The following SORCS1 variants were observed in gnomAD, a reference collection of about 807,000 sequenced individuals.
The protein encoded by SORCS1 is sortilin related VPS10 domain containing receptor 1, also known as VPS10 domain-containing receptor SorCS1.
In SORCS1, 60 loss-of-function variants were observed where a neutral mutation model predicts 146.1. The observed-to-expected ratio is 0.41, with a 90% CI of 0.33 to 0.51. SORCS1 has a LOEUF of 0.51. Among genes scored for constraint, SORCS1 ranks in the 20% least tolerant of loss-of-function variants. The pLI is 0.21. For missense variants in SORCS1, 1,352 were observed against 1,487.6 expected (o/e 0.91, Z 1.50); for synonymous variants, 637 against 584.0 (o/e 1.09, Z -1.31).
intron 1 of SORCS1, among the ~76,000 whole-genome samples, chr10:106,968,340 A>G (rs1955609574): frequency 1.3e-5 from 2 of 152,246 alleles, no homozygotes; most frequent in South Asian, 4.1e-4. Context: ...TCTGAGAAAG[A>G]CAGATTTCCA....
rs1240426155 is a variant in SORCS1 at position 106,976,433 on chromosome 10, G to A, written c.559-19853C>T. On this transcript the variant is annotated intron_variant, in intron 1 of 25. Transcript: ENST00000263054. Reference sequence around the variant, plus strand: ...TGCAAGCTCCGCCTCCCGGGTTCACGCCATTCTCCTGCCTTAGCCTCCCGA... The same window carrying A: ...TGCAAGCTCCGCCTCCCGGGTTCACACCATTCTCCTGCCTTAGCCTCCCGA... 2.0e-5 allele frequency among the ~76,000 whole-genome samples: 3 copies of A among 147,472 alleles called. No homozygotes were observed. The East Asian group carries it at 6.5e-4, about 32-fold the overall frequency.
chr10:107,126,430 TATC>T (rs1966715834), intron 1 of SORCS1, among the ~76,000 whole-genome samples: 2 of 152,116 alleles, frequency 1.3e-5, no homozygotes, highest in African/African-American at 4.8e-5. Context: ...GATAGACAGG[TATC>T]TACCTTATTA....
rs1035137825 is a variant in SORCS1, at chr10:107,118,338, G to C, written c.558+45631C>G. On this transcript the variant is annotated intron_variant, in intron 1 of 25. Transcript: ENST00000263054. ...ATTTCTGTTGTTTATAAGCCACCCA[G>C]GTTATGTTATTGTTGGAGCAGACAA... 3.3e-5 allele frequency among the ~76,000 whole-genome samples: 5 copies of C among 152,134 alleles called. No homozygotes were observed. In the East Asian group the frequency reaches 9.6e-4, roughly 29 times the overall value.
In SORCS1 at chr10:106,652,555, T is replaced by C; in HGVS notation, c.2304-2A>G. On this transcript the variant is annotated splice_acceptor_variant, in intron 17 of 25. Coordinates refer to ENST00000263054, the MANE Select transcript of SORCS1 (RefSeq NM_052918.5). LOFTEE classifies it high-confidence loss of function. The stretch of plus-strand genomic sequence containing the variant: ...TTATTGGAAACCACCTTCCTGTACC[T>C]AAATGGAAAAAAGCTCAAGTCGTAA... 1.2e-6 allele frequency: 2 copies of C among 1,609,302 alleles called. No individual in the cohort carries two copies. The highest frequency in any genetic ancestry group is 1.7e-6 in the Non-Finnish European group (2 of 1,177,122).
At chr10:107,045,840 G>C (rs1046670845) in intron 1 of SORCS1, among the ~76,000 whole-genome samples, 2 of 146,544 alleles carry the variant, frequency 1.4e-5, no homozygotes, top group Non-Finnish European at 3.0e-5. Context: ...CTGGAATACA[G>C]TGGCATAACA....
intron 2 of SORCS1, among the ~76,000 whole-genome samples, chr10:106,843,310 C>T (rs1949136673): frequency 6.6e-6 from 1 of 151,808 alleles, no homozygotes; most frequent in African/African-American, 2.4e-5. Context: ...GAGTCTGGCT[C>T]TTTTATAGAT....
At chr10:107,090,515 A>G (rs780063013) in intron 1 of SORCS1, among the ~76,000 whole-genome samples, 16 of 152,210 alleles carry the variant, frequency 1.1e-4, no homozygotes, top group Admixed American at 3.3e-4. Context: ...ATTATGACTG[A>G]TAACAATAAA....
At chr10:107,058,394 A>T (rs2134098102) in intron 1 of SORCS1, among the ~76,000 whole-genome samples, 1 of 152,326 alleles carries the variant, frequency 6.6e-6, no homozygotes, top group South Asian at 2.1e-4. Context: ...TGGTTAATAC[A>T]CATTCTGGCT....
intron 2 of SORCS1, among the ~76,000 whole-genome samples, chr10:106,937,470 G>A (rs986111839): frequency 3.1e-4 from 47 of 151,906 alleles, no homozygotes; most frequent in Admixed American, 1.7e-3. Flanking sequence ...GAGTCACTGT[G>A]CCTGGCCAAT....
At chr10:106,964,896 G>A (rs187643162) in intron 1 of SORCS1, among the ~76,000 whole-genome samples, 3 of 150,664 alleles carry the variant, frequency 2.0e-5, no homozygotes, top group Admixed American at 1.3e-4. Context: ...TTACAGGTGT[G>A]AGCCACCATG....
At chr10:106,766,532 C>G (rs544969391) in intron 4 of SORCS1, among the ~76,000 whole-genome samples, 1 of 152,294 alleles carries the variant, frequency 6.6e-6, no homozygotes, top group African/African-American at 2.4e-5. Context: ...TTCTGATGCT[C>G]TGGTTCCACA....
chr10:106,783,305 G>A (rs1379572661), intron 3 of SORCS1, among the ~76,000 whole-genome samples: 1 of 152,188 alleles, frequency 6.6e-6, no homozygotes, highest in Non-Finnish European at 1.5e-5. Context: ...TTAGAGAGAT[G>A]AGGCAATTTG....
At chr10:106,860,557 G>A (rs1187958117) in intron 2 of SORCS1, among the ~76,000 whole-genome samples, 1 of 152,204 alleles carries the variant, frequency 6.6e-6, no homozygotes, top group South Asian at 2.1e-4. Context: ...TACAGATGAG[G>A]AGACCAAGAC....
chr10:106,976,339 T>G (rs1240907990), intron 1 of SORCS1, among the ~76,000 whole-genome samples: 6 of 140,856 alleles, frequency 4.3e-5, no homozygotes, highest in African/African-American at 1.7e-4. Context: ...TTTTGTTTTT[T>G]TTTTTTTTTT....
chr10:107,056,701 T>C (rs1196938698), intron 1 of SORCS1, among the ~76,000 whole-genome samples: 1 of 152,204 alleles, frequency 6.6e-6, no homozygotes. Context: ...AATGGGGAGA[T>C]AAGTTAATTC....
At chr10:107,148,787 T>C (rs551144708) in intron 1 of SORCS1, among the ~76,000 whole-genome samples, 5 of 152,288 alleles carry the variant, frequency 3.3e-5, no homozygotes, top group Non-Finnish European at 7.4e-5. Context: ...GAGACTTTCA[T>C]AGAGGGCATT....
intron 1 of SORCS1, among the ~76,000 whole-genome samples, chr10:106,967,980 G>C (rs1271204265): frequency 6.6e-6 from 1 of 151,618 alleles, no homozygotes. Flanking sequence ...CGAGGCAGGC[G>C]GATCATGAGG....
intron 1 of SORCS1, among the ~76,000 whole-genome samples, chr10:107,050,533 C>T (rs532395599): frequency 6.6e-6 from 1 of 152,198 alleles, no homozygotes; most frequent in African/African-American, 2.4e-5. Context: ...GGCTTTATTT[C>T]CAGAACCTTC....
intron 1 of SORCS1, among the ~76,000 whole-genome samples, chr10:107,076,367 T>G (rs893647173): frequency 1.3e-5 from 2 of 152,130 alleles, no homozygotes; most frequent in Non-Finnish European, 2.9e-5. Context: ...TGTTTGACTT[T>G]GGAAGCTTTT....
Sources: allele counts gnomAD v4.1 joint callset (sites outside exome capture counted in the v4.1 genomes callset), GRCh38; gene constraint gnomAD v4.1.1; transcripts MANE v1.5; gene names NCBI Gene and HGNC (gene_info 2026-07-23, HGNC 2026-07-21).